The following IKBKG variants were observed in gnomAD, a reference collection of about 807,000 sequenced individuals.
IKBKG encodes the protein NF-kappa-B essential modulator.
A neutral mutation model predicts 13.7 loss-of-function variants in IKBKG; 2 were observed. The observed-to-expected ratio is 0.15, with a 90% CI of 0.06 to 0.46. IKBKG has a LOEUF of 0.46. Among genes scored for constraint, IKBKG ranks in the 20% least tolerant of loss-of-function variants. IKBKG has a pLI of 0.98. For missense variants in IKBKG, 53 were observed against 150.3 expected (o/e 0.35, Z 3.39); for synonymous variants, 22 against 64.4 (o/e 0.34, Z 3.15).
upstream of IKBKG, among the ~76,000 whole-genome samples, chrX:154,544,353 G>A (rs901952313): frequency 4.5e-5 from 5 of 109,995 alleles, no homozygotes; most frequent in Non-Finnish European, 9.5e-5. Context: ...GTAGAGATGG[G>A]GTTTCACCAT....
chrX:154,548,528 G>A (rs782412389), intron 1 of IKBKG, among the ~76,000 whole-genome samples: 3 of 112,529 alleles, frequency 2.7e-5, no homozygotes, highest in Non-Finnish European at 5.6e-5. Context: ...TTTCAAAAAT[G>A]TACGAAAGTA....
At chrX:154,553,182 C>T (rs2070980487) in intron 2 of IKBKG, among the ~76,000 whole-genome samples, 1 of 112,587 alleles carries the variant, frequency 8.9e-6, no homozygotes, top group African/African-American at 3.2e-5. Context: ...GACAACACCC[C>T]TTCCTTGCAG....
At chrX:154,543,231 G>T (rs1435778547), upstream of IKBKG, among the ~76,000 whole-genome samples, 1 of 112,541 alleles carries the variant, frequency 8.9e-6, no homozygotes, top group Non-Finnish European at 1.9e-5. Flanking sequence ...TCCTATTTCT[G>T]CTTTGAAAGC....
chrX:154,550,262 G>A (rs868961624), intron 1 of IKBKG, among the ~76,000 whole-genome samples: 1 of 102,556 alleles, frequency 9.8e-6, no homozygotes, highest in South Asian at 4.6e-4. Flanking sequence ...GTGTGTGTAT[G>A]TGTGTGTGTG....
upstream of IKBKG, chrX:154,547,593 A>G: frequency 4.0e-6 from 3 of 753,931 alleles, no homozygotes; most frequent in Non-Finnish European, 4.7e-6. Flanking sequence ...TTGTGTTTTT[A>G]CTTCCGGATC....
intron 1 of IKBKG, among the ~76,000 whole-genome samples, chrX:154,541,635 C>T (rs782479267): frequency 8.0e-5 from 9 of 111,803 alleles, no homozygotes; most frequent in African/African-American, 2.9e-4. Flanking sequence ...TCAAGGGGTC[C>T]TTAGTGAAAA....
upstream of IKBKG, chrX:154,546,684 C>T (rs1207567466): frequency 3.0e-6 from 2 of 673,735 alleles, no homozygotes; most frequent in Non-Finnish European, 4.4e-6. Flanking sequence ...CCTCTCGATT[C>T]TGCTCGGTTC....
At chrX:154,541,776 T>C (rs782659785) in intron 1 of IKBKG, among the ~76,000 whole-genome samples, 2 of 112,680 alleles carry the variant, frequency 1.8e-5, no homozygotes, top group East Asian at 5.6e-4. Context: ...GCCACCAACA[T>C]CTGGCTAGGC....
chrX:154,545,582 C>T (rs1321854072), upstream of IKBKG, among the ~76,000 whole-genome samples: 1 of 111,752 alleles, frequency 8.9e-6, no homozygotes, highest in Non-Finnish European at 1.9e-5. Context: ...TGCCTGTCAT[C>T]CCAGCACTTT....
chrX:154,546,910 G>A (rs1316464961), upstream of IKBKG: 64 of 795,264 alleles, frequency 8.0e-5, no homozygotes, highest in Non-Finnish European at 8.3e-5. Flanking sequence ...GGGCTGAGCG[G>A]ACCCGCCTCA....
chrX:154,555,331 A>G (rs1279351114), intron 2 of IKBKG, among the ~76,000 whole-genome samples: 1 of 111,851 alleles, frequency 8.9e-6, no homozygotes, highest in African/African-American at 3.3e-5. Context: ...GATGTAGGCC[A>G]GGGAGGACCA....
intron 2 of IKBKG, among the ~76,000 whole-genome samples, chrX:154,553,592 C>T (rs989461116): frequency 8.9e-6 from 1 of 112,585 alleles, no homozygotes; most frequent in Non-Finnish European, 1.9e-5. Context: ...CCAACATGAC[C>T]TGCCTGTTCC....
At chrX:154,545,896 G>T, upstream of IKBKG, 28 of 665,207 alleles carry the variant, frequency 4.2e-5, no homozygotes, top group Non-Finnish European at 6.6e-5. Flanking sequence ...GAGCCGGGAT[G>T]ATCCTGGCGC....
chrX:154,550,234 T>TTGTGTGTGTGTG (rs371906365), intron 1 of IKBKG, among the ~76,000 whole-genome samples: 1 of 99,517 alleles, frequency 1.0e-5, no homozygotes, highest in Non-Finnish European at 2.0e-5. Context: ...AGATGTGCTC[T>TTGTGTGTGTGTG]TGTGTGTGTG....
chrX:154,546,553 G>C (rs1266662452), upstream of IKBKG, among the ~76,000 whole-genome samples: 1 of 111,084 alleles, frequency 9.0e-6, no homozygotes, highest in African/African-American at 3.3e-5. Context: ...GCAGATGCTG[G>C]AGTTCAGCTC....
intron 2 of IKBKG, among the ~76,000 whole-genome samples, chrX:154,552,953 A>C (rs192953898): frequency 0.027 from 3,043 of 111,072 alleles, 103 homozygotes; most frequent in African/African-American, 0.093. Context: ...ACTGCTCTGC[A>C]TTGCCCTGGG....
rs782268091 is a variant in IKBKG at position 154,547,751 on chromosome X, G to A, written c.-16+6G>A. 2.5e-5 allele frequency: 19 copies of A among 753,968 alleles called. No individual in the cohort carries two copies. The highest frequency in any genetic ancestry group is 3.0e-5 in the Non-Finnish European group (19 of 639,277). The allele number at this position is 753,968 out of a possible 1,213,427, so 62.1% of individuals were successfully genotyped here. A position where few individuals can be genotyped will look rare whatever the true frequency, so the allele number is the denominator to read the frequency against. On this transcript the variant is annotated splice_donor_region_variant and intron_variant, in intron 1 of 9. Transcript: ENST00000594239. Reference sequence around the variant, plus strand: ...CTGACGGACTCTGCTGACAGGTGTGGTCCTTTTCCCCAAAGACAGGGTTCC... The same window carrying A: ...CTGACGGACTCTGCTGACAGGTGTGATCCTTTTCCCCAAAGACAGGGTTCC...
chrX:154,546,846 C>T, upstream of IKBKG: 1 of 1,133,199 alleles, frequency 8.8e-7, no homozygotes. Context: ...CGACCGTTTC[C>T]GGGGGCTGAG....
chrX:154,541,781 C>G (rs1374534074), intron 1 of IKBKG, among the ~76,000 whole-genome samples: 1 of 112,712 alleles, frequency 8.9e-6, no homozygotes, highest in Non-Finnish European at 1.9e-5. Context: ...CAACATCTGG[C>G]TAGGCCAGGG....
Sources: allele counts gnomAD v4.1 joint callset (sites outside exome capture counted in the v4.1 genomes callset), GRCh38; gene constraint gnomAD v4.1.1; transcripts MANE v1.5; gene names NCBI Gene and HGNC (gene_info 2026-07-23, HGNC 2026-07-21).